The following PLCH1 variants were observed in gnomAD, a reference collection of about 807,000 sequenced individuals.
PLCH1 encodes 1-phosphatidylinositol 4,5-bisphosphate phosphodiesterase eta-1.
PLCH1 carries 60 observed loss-of-function variants against 126.7 expected under a neutral mutation model. That is an observed-to-expected ratio of 0.47 (90% confidence interval 0.38 to 0.59). PLCH1 has a LOEUF of 0.59. Among genes scored for constraint, PLCH1 ranks in the 20% least tolerant of loss-of-function variants. The probability of loss-of-function intolerance (pLI) is 0.00; values close to 1 mark genes in which losing one functional copy is unlikely to be tolerated. For missense variants in PLCH1, 1,723 were observed against 2,040.0 expected (o/e 0.84, Z 2.99); for synonymous variants, 719 against 734.9 (o/e 0.98, Z 0.35).
chr3:155,618,183 T>C (rs1448816829), intron 2 of PLCH1, among the ~76,000 whole-genome samples: 1 of 152,226 alleles, frequency 6.6e-6, no homozygotes, highest in African/African-American at 2.4e-5. Context: ...AAGATTATAA[T>C]ACACCTATTG....
At chr3:155,514,667 G>T in intron 12 of PLCH1, 56 bp downstream of exon 12, 3 of 1,145,456 alleles carry the variant, frequency 2.6e-6, no homozygotes, top group Non-Finnish European at 3.5e-6. Flanking sequence ...TAGAAACAAA[G>T]TATGAGATGC....
intron 22 of PLCH1, among the ~76,000 whole-genome samples, chr3:155,484,897 T>A (rs576523549): frequency 6.6e-6 from 1 of 152,312 alleles, no homozygotes; most frequent in East Asian, 1.9e-4. Context: ...AGAAAAAAGA[T>A]TTGCCTGTTT....
At chr3:155,538,538 T>C (rs1048620778) in intron 10 of PLCH1, among the ~76,000 whole-genome samples, 1 of 152,136 alleles carries the variant, frequency 6.6e-6, no homozygotes, top group African/African-American at 2.4e-5. Context: ...AAGATCCAAA[T>C]AAGCTCAATT....
chr3:155,596,446 G>C lies in PLCH1; in HGVS notation c.80-68C>G. On this transcript the variant is annotated intron_variant, in intron 2 of 22. Transcript: ENST00000460012. ...CAGGCATACTGGTGTCCAGGTTTTA[G>C]AGTCAAATAAAACCTCTGATTCACC... The C allele has an allele frequency of 5.2e-6, 7 of 1,351,194 alleles. No individual in the cohort carries two copies. The South Asian group carries it at 9.8e-5, about 19-fold the overall frequency. The allele number at this position is 1,351,194 out of a possible 1,614,324, so 83.7% of individuals were successfully genotyped here.
At chr3:155,607,990 A>G (rs1240268957) in intron 2 of PLCH1, among the ~76,000 whole-genome samples, 2 of 152,206 alleles carry the variant, frequency 1.3e-5, no homozygotes, top group African/African-American at 4.8e-5. Context: ...TTCCCAAAGT[A>G]TAAGAGGAGA....
At chr3:155,551,403 C>T (rs2108454948) in intron 9 of PLCH1, among the ~76,000 whole-genome samples, 1 of 124,372 alleles carries the variant, frequency 8.0e-6, no homozygotes, top group East Asian at 2.4e-4. Context: ...TGAGATCATG[C>T]CACTGCACTC....
chr3:155,637,388 G>A (rs1316878751), intron 2 of PLCH1, among the ~76,000 whole-genome samples: 1 of 152,140 alleles, frequency 6.6e-6, no homozygotes, highest in African/African-American at 2.4e-5. Flanking sequence ...CTTTGGCCAG[G>A]CCAGCATTAT....
intron 8 of PLCH1, among the ~76,000 whole-genome samples, chr3:155,556,450 G>C (rs924103344): frequency 6.6e-6 from 1 of 152,136 alleles, no homozygotes; most frequent in African/African-American, 2.4e-5. Context: ...TGTGTGTTTT[G>C]TGTATTACCC....
intron 2 of PLCH1, among the ~76,000 whole-genome samples, chr3:155,668,513 G>T (rs1743046459): frequency 6.6e-6 from 1 of 152,098 alleles, no homozygotes. Flanking sequence ...AGAAAACTAG[G>T]GAAAAGATGT....
intron 2 of PLCH1, among the ~76,000 whole-genome samples, chr3:155,699,687 T>C (rs1835211): frequency 0.015 from 2,283 of 152,300 alleles, 62 homozygotes; most frequent in African/African-American, 0.052. Flanking sequence ...TTCTCTTTTC[T>C]TCCAGTGCAG....
intron 2 of PLCH1, among the ~76,000 whole-genome samples, chr3:155,678,320 G>A (rs574735766): frequency 6.6e-6 from 1 of 152,260 alleles, no homozygotes; most frequent in Non-Finnish European, 1.5e-5. Context: ...TGGCTCTGGG[G>A]CACCGTTGAG....
rs1308004073 is a variant in PLCH1, at chr3:155,612,087, C to T, written c.80-15709G>A. On this transcript the variant is annotated intron_variant, in intron 2 of 22. Transcript: ENST00000460012. The stretch of plus-strand genomic sequence containing the variant: ...ATCCCAGTACTTTGGGATGCTGAGG[C>T]GGGCAGATCACCTGAGGTCAAGAGT... Among the ~76,000 whole-genome samples the T allele has an allele frequency of 7.2e-5, 11 of 151,922 alleles. No homozygotes were observed. In the South Asian group the frequency reaches 1.0e-3, roughly 14 times the overall value.
intron 12 of PLCH1, among the ~76,000 whole-genome samples, chr3:155,513,920 C>T (rs549194621): frequency 3.9e-5 from 6 of 152,182 alleles, no homozygotes; most frequent in East Asian, 1.9e-4. Flanking sequence ...ACAAAACTCT[C>T]GTTTGTTAGT....
intron 2 of PLCH1, among the ~76,000 whole-genome samples, chr3:155,670,161 T>C (rs1048241699): frequency 6.6e-6 from 1 of 152,074 alleles, no homozygotes; most frequent in Non-Finnish European, 1.5e-5. Context: ...AAAAAGATTA[T>C]CAAGGGCAAA....
intron 6 of PLCH1, among the ~76,000 whole-genome samples, chr3:155,578,372 T>C (rs1730238853): frequency 6.6e-6 from 1 of 152,188 alleles, no homozygotes; most frequent in South Asian, 2.1e-4. Context: ...AACAACAAAA[T>C]TCATAAAAGT....
intron 2 of PLCH1, among the ~76,000 whole-genome samples, chr3:155,612,596 C>A (rs945091271): frequency 7.3e-5 from 11 of 151,648 alleles, no homozygotes; most frequent in Non-Finnish European, 1.6e-4. Flanking sequence ...AATTGATAGA[C>A]CATTATCAAG....
chr3:155,728,869 G>A (rs570929626), intron 1 of PLCH1, among the ~76,000 whole-genome samples: 14 of 152,304 alleles, frequency 9.2e-5, no homozygotes, highest in African/African-American at 3.4e-4. Flanking sequence ...TCAACTCTCA[G>A]TGGCCATCAA....
At chr3:155,496,188 A>C (rs1576826360) in intron 15 of PLCH1, among the ~76,000 whole-genome samples, 1 of 152,244 alleles carries the variant, frequency 6.6e-6, no homozygotes, top group South Asian at 2.1e-4. Context: ...AGACAAAAAC[A>C]GCTGAAGTTC....
intron 1 of PLCH1, among the ~76,000 whole-genome samples, chr3:155,708,722 C>T (rs1016635711): frequency 2.0e-5 from 3 of 152,004 alleles, no homozygotes; most frequent in Non-Finnish European, 4.4e-5. Flanking sequence ...AATTGATCAC[C>T]TTTTTTTTCT....
Sources: allele counts gnomAD v4.1 joint callset (sites outside exome capture counted in the v4.1 genomes callset), GRCh38; gene constraint gnomAD v4.1.1; transcripts MANE v1.5; gene names NCBI Gene and HGNC (gene_info 2026-07-23, HGNC 2026-07-21).